The following UBXN4 variants were observed in gnomAD, a reference collection of about 807,000 sequenced individuals.
UBXN4 encodes the protein UBX domain protein 4, also known as UBX domain-containing protein 4.
UBXN4 carries 35 observed loss-of-function variants against 66.2 expected under a neutral mutation model. The observed-to-expected ratio is 0.53, with a 90% CI of 0.40 to 0.70. UBXN4 has a LOEUF of 0.70. UBXN4 is among the 30% of genes least tolerant of loss of function. UBXN4 has a pLI of 0.00. For synonymous variants in UBXN4, 203 were observed against 204.5 expected, an observed-to-expected ratio of 0.99 and a Z score of 0.06; for missense variants, 533 against 599.8, an observed-to-expected ratio of 0.89 and a Z score of 1.16.
intron 1 of UBXN4, chr2:135,742,394 C>T (rs2077180648): frequency 5.7e-6 from 1 of 175,954 alleles, no homozygotes; most frequent in African/African-American, 2.4e-5. Flanking sequence ...CTCCAAAGCG[C>T]CCCGAGGCCC....
At position 135,782,853 on chromosome 2, in the gene UBXN4, A is replaced by C. The variant is rs2077458341; in HGVS notation, c.1493A>C (p.Asn498Thr). 16 of 1,613,836 alleles carry C rather than the reference A, an allele frequency of 9.9e-6. No individual in the cohort carries two copies. The highest frequency in any genetic ancestry group is 1.4e-5 in the Non-Finnish European group (16 of 1,179,898). The stretch of plus-strand genomic sequence containing the variant: ...CAAGATGATGGTGAAGATGAAAACA[A>C]CACTTGGAATGGAAATTCCACTCAA... ...RTQDDGEDEN[N>T]TWNGNSTQQM The change falls in exon 13 of 13, where the codon AAC (asparagine) becomes ACC (threonine). Residue 498 changes from asparagine (N) to threonine (T), a missense_variant. This residue lies in a region of UBXN4 where 4 missense variants were observed against 19.7 expected (regional missense o/e 0.20). Coordinates refer to ENST00000272638, the MANE Select transcript of UBXN4 (RefSeq NM_014607.4).
At chr2:135,760,344 T>C (rs1408414578) in intron 5 of UBXN4, among the ~76,000 whole-genome samples, 1 of 151,998 alleles carries the variant, frequency 6.6e-6, no homozygotes, top group Non-Finnish European at 1.5e-5. Flanking sequence ...AGTAGGAAGA[T>C]GGCTTGATCC....
At chr2:135,774,783 T>C (rs1052048326) in intron 9 of UBXN4, among the ~76,000 whole-genome samples, 4 of 151,392 alleles carry the variant, frequency 2.6e-5, no homozygotes, top group African/African-American at 7.3e-5. Context: ...AGGCGGAGGT[T>C]GTAGTGAACC....
chr2:135,777,150 T>G (rs1270216806), intron 10 of UBXN4, among the ~76,000 whole-genome samples: 1 of 152,240 alleles, frequency 6.6e-6, no homozygotes, highest in Non-Finnish European at 1.5e-5. Context: ...AAAGGTGGCC[T>G]TACTCAGAAT....
Position 135,770,703 on chromosome 2 carries a change from G to C in UBXN4, c.790G>C (p.Ala264Pro). The C allele has an allele frequency of 6.4e-7, 1 of 1,553,584 alleles. No homozygotes were observed. Among genetic ancestry groups the C allele is most frequent in the Non-Finnish European group, 8.6e-7 (1 of 1,160,538 alleles). Residue 264 changes from alanine to proline, a missense_variant, in exon 8 of 13, where the codon GCT (alanine) becomes CCT (proline). Around this residue, in one of 2 missense-constraint regions of UBXN4, gnomAD observed 529 missense variants for 580.1 expected, o/e 0.91. Coordinates refer to ENST00000272638, the MANE Select transcript of UBXN4 (RefSeq NM_014607.4). ...CAGAGAGAAAGCAGAAGATAGGGCAGCTCGAGAACGTATAAAACAGCAGAT... is the reference window on the plus strand; with the variant it reads ...CAGAGAGAAAGCAGAAGATAGGGCACCTCGAGAACGTATAAAACAGCAGAT... ...RNREKAEDRAARERIKQQIAL... is the reference protein window; with the variant it reads ...RNREKAEDRAPRERIKQQIAL...
chr2:135,744,167 T>C (rs1231473053), intron 1 of UBXN4, among the ~76,000 whole-genome samples: 1 of 152,224 alleles, frequency 6.6e-6, no homozygotes, highest in Non-Finnish European at 1.5e-5. Context: ...CTTGTGATTT[T>C]CTTAGGTCTA....
intron 12 of UBXN4, among the ~76,000 whole-genome samples, chr2:135,781,451 T>C (rs1197090428): frequency 1.3e-5 from 2 of 152,222 alleles, no homozygotes; most frequent in Non-Finnish European, 2.9e-5. Flanking sequence ...AGGCCTTTTA[T>C]AGGCATTATA....
chr2:135,769,987 C>T (rs2077373521), intron 7 of UBXN4, among the ~76,000 whole-genome samples, 164 bp downstream of exon 7: 1 of 152,110 alleles, frequency 6.6e-6, no homozygotes, highest in Admixed American at 6.6e-5. Flanking sequence ...ATAGTATATA[C>T]ATTTTTTGTG....
rs192655690 is a variant in UBXN4 at position 135,768,931 on chromosome 2, G to A, written c.603-838G>A. On this transcript the variant is annotated intron_variant, in intron 6 of 12. Transcript: ENST00000272638. The stretch of plus-strand genomic sequence containing the variant: ...TACCCAGACTGGTTTCGAACTCCAG[G>A]GCTTAGGCTATCCTCCTGCCTCAGC... 4.4e-3 allele frequency among the ~76,000 whole-genome samples: 661 copies of A among 151,806 alleles called. 7 individuals are homozygous for A. The highest frequency in any genetic ancestry group is 0.015 in the African/African-American group (630 of 41,382).
chr2:135,767,961 C>A (rs1240488926), intron 6 of UBXN4, among the ~76,000 whole-genome samples: 1 of 151,844 alleles, frequency 6.6e-6, no homozygotes, highest in Non-Finnish European at 1.5e-5. Context: ...TGTTGGAATC[C>A]CCTTCATATT....
At position 135,770,664 on chromosome 2, in the gene UBXN4, C is replaced by G; in HGVS notation, c.751C>G (p.Leu251Val). Residue 251 changes from leucine (L) to valine (V), a missense_variant, in exon 8 of 13, where the codon CTG becomes GTG. Physicochemically the swap from Leu to Val is conservative, Grantham distance 32. This residue lies in a region of UBXN4 where 529 missense variants were observed against 580.1 expected (regional missense o/e 0.91). Transcript: ENST00000272638. ...KQEEELTKRM[L>V]EERNREKAED... ...AGAAGAAGAATTAACAAAAAGAATG[C>G]TGGAGGAAAGAAACAGAGAGAAAGC... 6.3e-7 allele frequency: 1 copy of G among 1,578,116 alleles called. No individual in the cohort carries two copies. Among genetic ancestry groups the G allele is most frequent in the South Asian group, 1.2e-5 (1 of 83,808 alleles).
intron 5 of UBXN4, among the ~76,000 whole-genome samples, chr2:135,759,926 G>C (rs2077305088): frequency 6.6e-6 from 1 of 151,802 alleles, no homozygotes; most frequent in African/African-American, 2.4e-5. Flanking sequence ...CCGCAACCAT[G>C]CCCAGCTGAT....
rs749623287 is a variant in UBXN4, at chr2:135,755,493, A to G, written c.334-24A>G. On this transcript the variant is annotated intron_variant, in intron 4 of 12. Transcript: ENST00000272638. ...AGTTTAGATTCTTATCTATTAATTAAAATCCAATTTATTTTCTGCCTAGAT... is the reference window on the plus strand; with the variant it reads ...AGTTTAGATTCTTATCTATTAATTAGAATCCAATTTATTTTCTGCCTAGAT... 4 of 1,524,794 alleles carry G rather than the reference A, an allele frequency of 2.6e-6. No homozygotes were observed. In the South Asian group the frequency reaches 5.2e-5, roughly 20 times the overall value. The allele number at this position is 1,524,794 out of a possible 1,614,324, so 94.5% of individuals were successfully genotyped here.
At chr2:135,778,354 C>T (rs1032887495) in intron 10 of UBXN4, among the ~76,000 whole-genome samples, 1 of 151,372 alleles carries the variant, frequency 6.6e-6, no homozygotes, top group Non-Finnish European at 1.5e-5. Flanking sequence ...GAAAGATACA[C>T]AGATGTCTAA....
At chr2:135,763,831 GTAAA>G (rs978345913) in intron 6 of UBXN4, among the ~76,000 whole-genome samples, 2 of 148,930 alleles carry the variant, frequency 1.3e-5, no homozygotes, top group African/African-American at 5.0e-5. Flanking sequence ...GTCTCAAAAA[GTAAA>G]TAAATAAGAC....
intron 6 of UBXN4, among the ~76,000 whole-genome samples, chr2:135,769,509 T>C (rs146272071): frequency 1.3e-5 from 2 of 152,036 alleles, no homozygotes; most frequent in East Asian, 3.9e-4. Flanking sequence ...TTAAAGTCAA[T>C]ATCAGGTAAA....
At chr2:135,761,691 T>A in intron 5 of UBXN4, 127 bp from the exon 6 acceptor site, 1 of 786,730 alleles carries the variant, frequency 1.3e-6, no homozygotes. Flanking sequence ...TCCTTCTCCA[T>A]TTTTAGGGAA....
At position 135,754,043 on chromosome 2, in the gene UBXN4, GTTAGA is replaced by G. The variant is rs960090499; in HGVS notation, c.215-112_215-108del. On this transcript the variant is annotated intron_variant, in intron 3 of 12. Coordinates refer to ENST00000272638, the MANE Select transcript of UBXN4 (RefSeq NM_014607.4). ...CAGTACTTGAAATTATTTAATAAAT[GTTAGA>G]TTATATTGTGAAAATCACAAAGATC... 2.6e-5 allele frequency: 19 copies of G among 744,594 alleles called. No individual in the cohort carries two copies. The East Asian group carries it at 4.9e-4, about 19-fold the overall frequency. The allele number at this position is 744,594 out of a possible 1,614,324, so 46.1% of individuals were successfully genotyped here. A position where few individuals can be genotyped will look rare whatever the true frequency, so the allele number is the denominator to read the frequency against.
At chr2:135,768,759 C>T (rs113557364) in intron 6 of UBXN4, among the ~76,000 whole-genome samples, 6 of 151,746 alleles carry the variant, frequency 4.0e-5, no homozygotes, top group African/African-American at 9.7e-5. Flanking sequence ...GACAGCGTTT[C>T]GCCGTGTTGG....
Sources: allele counts gnomAD v4.1 joint callset (sites outside exome capture counted in the v4.1 genomes callset), GRCh38; gene constraint gnomAD v4.1.1; regional missense constraint gnomAD v4.1.1; transcripts MANE v1.5; gene names NCBI Gene and HGNC (gene_info 2026-07-23, HGNC 2026-07-21).